Variants in SPRY4 observed in about 807,000 individuals in gnomAD.
The protein encoded by SPRY4 is protein sprouty homolog 4.
A neutral mutation model predicts 17.0 loss-of-function variants in SPRY4; 7 were observed. The observed-to-expected ratio is 0.41, with a 90% CI of 0.23 to 0.77. The LOEUF is 0.77. Ranked by LOEUF, SPRY4 falls within the 30% of genes least tolerant of loss-of-function variation. The probability of loss-of-function intolerance (pLI) is 0.32; values close to 1 mark genes in which losing one functional copy is unlikely to be tolerated. For missense variants in SPRY4, 435 were observed against 419.9 expected (o/e 1.04, Z -0.31); for synonymous variants, 183 against 174.1 (o/e 1.05, Z -0.40).
At position 142,315,019 on chromosome 5, in the gene SPRY4, C is replaced by A. The variant is rs1349121144; in HGVS notation, c.90G>T (p.Arg30=). 6.2e-7 allele frequency: 1 copy of A among 1,613,808 alleles called. No homozygotes were observed. The highest frequency in any genetic ancestry group is 1.1e-5 in the South Asian group (1 of 91,080). ...PLLDSRMSHS[R]LQHPLTILPI... ...GTAGGATGGTGAGTGGGTGCTGGAGCCGGCTGTGGGACATCCGGCTGTCAA... is the reference window on the plus strand; with the variant it reads ...GTAGGATGGTGAGTGGGTGCTGGAGACGGCTGTGGGACATCCGGCTGTCAA... The change falls in exon 2 of 2, where the codon CGG becomes CGT. Residue 30 remains arginine (R), a synonymous_variant. Coordinates refer to ENST00000434127, the MANE Select transcript of SPRY4 (RefSeq NM_001127496.3).
Position 142,314,354 on chromosome 5 carries a change from A to G in SPRY4, c.755T>C (p.Leu252Pro), listed in dbSNP as rs1046862683. 6 of 1,614,062 alleles carry G rather than the reference A, an allele frequency of 3.7e-6. No individual in the cohort carries two copies. Among genetic ancestry groups the G allele is most frequent in the South Asian group, 3.3e-5 (3 of 91,072 alleles). ...SVVLPCLLCY[L>P]PATGCVKLAQ... ...CAGCTTCACGCAGCCGGTGGCAGGC[A>G]GGTAGCAGAGCAGGCAGGGCAGCAC... The change falls in exon 2 of 2, where the codon CTG (leucine) becomes CCG (proline). Residue 252 changes from leucine (L) to proline (P), a missense_variant. By Grantham distance (98) the Leu-to-Pro change is moderately conservative. Transcript: ENST00000434127. The surrounding 1 kb of genome is among the most constrained non-coding windows in gnomAD (Gnocchi z 4.8).
Position 142,310,722 on chromosome 5 carries a change from C to A in SPRY4, c.*3487G>T, listed in dbSNP as rs758054181. ...TGTAACATGAAACCAAGCTGTGGGA[C>A]AGTAAGAAGAGAAAGCAAGGCAAGA... On this transcript the variant is annotated 3_prime_UTR_variant, in exon 2 of 2. Coordinates refer to ENST00000434127, the MANE Select transcript of SPRY4 (RefSeq NM_001127496.3). 1 of 151,940 alleles carries A rather than the reference C, an allele frequency of 6.6e-6. No homozygotes were observed. Among genetic ancestry groups the A allele is most frequent in the Non-Finnish European group, 1.5e-5 (1 of 67,990 alleles). 9.4% of individuals were successfully genotyped at this position (151,940 alleles called of 1,614,324 possible).
At chr5:142,324,757 C>A (rs1018006726) in intron 1 of SPRY4, 87 bp downstream of exon 1, 1 of 152,850 alleles carries the variant, frequency 6.5e-6, no homozygotes, top group East Asian at 1.9e-4. Context: ...CTAGAAATAG[C>A]GCACCATTTG....
At chr5:142,319,663 G>A (rs1561652765) in intron 1 of SPRY4, 2 of 1,540,636 alleles carry the variant, frequency 1.3e-6, no homozygotes, top group East Asian at 2.3e-5. Context: ...AAAATCCCCA[G>A]AACACGCGCA....
intron 1 of SPRY4, chr5:142,317,202 A>G (rs1448419425): frequency 2.0e-6 from 2 of 985,360 alleles, no homozygotes; most frequent in East Asian, 2.3e-4. Context: ...CAGGCTGATG[A>G]CAACGTAGGA....
In SPRY4 at chr5:142,314,171, G is replaced by A. The variant is rs1759037143; in HGVS notation, c.*38C>T. 5.7e-6 allele frequency: 9 copies of A among 1,566,504 alleles called. No homozygotes were observed. The highest frequency in any genetic ancestry group is 1.3e-5 in the African/African-American group (1 of 74,360). ...CTTCTTAGATGTCAGAAGAGAACCAGGTTTCCAGGCAGAGCACTGGGGCTT... is the reference window on the plus strand; with the variant it reads ...CTTCTTAGATGTCAGAAGAGAACCAAGTTTCCAGGCAGAGCACTGGGGCTT... On this transcript the variant is annotated 3_prime_UTR_variant, in exon 2 of 2. Coordinates refer to ENST00000434127, the MANE Select transcript of SPRY4 (RefSeq NM_001127496.3). The surrounding 1 kb of genome is among the most constrained non-coding windows in gnomAD (Gnocchi z 4.8).
In SPRY4 at chr5:142,314,132, G is replaced by A; in HGVS notation, c.*77C>T. The A allele has an allele frequency of 6.8e-7, 1 of 1,472,354 alleles. No individual in the cohort carries two copies. Among genetic ancestry groups the A allele is most frequent in the Non-Finnish European group, 9.1e-7 (1 of 1,101,950 alleles). 91.2% of individuals were successfully genotyped at this position (1,472,354 alleles called of 1,614,324 possible). On this transcript the variant is annotated 3_prime_UTR_variant, in exon 2 of 2. Coordinates refer to ENST00000434127, the MANE Select transcript of SPRY4 (RefSeq NM_001127496.3). The surrounding 1 kb of genome is among the most constrained non-coding windows in gnomAD (Gnocchi z 4.8). ...TCAGCCTCAGGAGGCTAAAACCTCT[G>A]ACCTTGCTGCAGTCTTCTTAGATGT...
Position 142,312,589 on chromosome 5 carries a change from T to C in SPRY4, c.*1620A>G, listed in dbSNP as rs984779825. 2 of 152,156 alleles carry C rather than the reference T, an allele frequency of 1.3e-5. No homozygotes were observed. Among genetic ancestry groups the C allele is most frequent in the African/African-American group, 4.8e-5 (2 of 41,440 alleles). The allele number at this position is 152,156 out of a possible 1,614,324, so 9.4% of individuals were successfully genotyped here. Reference sequence around the variant, plus strand: ...AACAAACTGGAAATGCTACGGACGCTCTGCCTCATGCACTTCCAGTTTCAC... The same window carrying C: ...AACAAACTGGAAATGCTACGGACGCCCTGCCTCATGCACTTCCAGTTTCAC... On this transcript the variant is annotated 3_prime_UTR_variant, in exon 2 of 2. Transcript: ENST00000434127.
intron 1 of SPRY4, 46 bp downstream of exon 1, chr5:142,324,798 C>A (rs928239533): frequency 6.5e-6 from 1 of 152,958 alleles, no homozygotes; most frequent in Non-Finnish European, 1.5e-5. Flanking sequence ...CGCGTCGCGG[C>A]TCAGAGAGGG....
In SPRY4 at chr5:142,313,116, C is replaced by G. The variant is rs1758985713; in HGVS notation, c.*1093G>C. Reference sequence around the variant, plus strand: ...TCTGCCAATGGGAGGTGCTGCCTCTCTTCTTTGCTGTTAAAATCCTCTTGT... The same window carrying G: ...TCTGCCAATGGGAGGTGCTGCCTCTGTTCTTTGCTGTTAAAATCCTCTTGT... On this transcript the variant is annotated 3_prime_UTR_variant, in exon 2 of 2. Transcript: ENST00000434127. 6.6e-6 allele frequency: 1 copy of G among 152,590 alleles called. No homozygotes were observed. The highest frequency in any genetic ancestry group is 1.5e-5 in the Non-Finnish European group (1 of 68,042). The allele number at this position is 152,590 out of a possible 1,614,324, so 9.5% of individuals were successfully genotyped here. A position where few individuals can be genotyped will look rare whatever the true frequency, so the allele number is the denominator to read the frequency against.
At chr5:142,316,927 G>A in intron 1 of SPRY4, 1 of 913,112 alleles carries the variant, frequency 1.1e-6, no homozygotes, top group South Asian at 5.0e-5. Context: ...AAAGGATGCT[G>A]GTATTTCTTT....
rs957648022 is a variant in SPRY4, at chr5:142,314,500, C to T, written c.609G>A (p.Val203=). ...LVNYGTCMCL[V]QGIFYHCTNE... ...TCGTGCAGTGGTAGAAGATGCCCTG[C>T]ACCAAACACATGCACGTGCCATAGT... is the stretch of plus-strand genomic sequence containing the variant. The change falls in exon 2 of 2, where the codon GTG becomes GTA. Residue 203 remains valine (V), a synonymous_variant. Coordinates refer to ENST00000434127, the MANE Select transcript of SPRY4 (RefSeq NM_001127496.3). This position sits in a 1 kb window ranked among gnomAD's most constrained non-coding sequence, Gnocchi z 4.8. 2 of 1,614,220 alleles carry T rather than the reference C, an allele frequency of 1.2e-6. No individual in the cohort carries two copies. Among genetic ancestry groups the T allele is most frequent in the Non-Finnish European group, 1.7e-6 (2 of 1,180,038 alleles).
chr5:142,319,180 A>G (rs1470605826), intron 1 of SPRY4, among the ~76,000 whole-genome samples: 1 of 152,164 alleles, frequency 6.6e-6, no homozygotes, highest in Non-Finnish European at 1.5e-5. Context: ...TTTCACAACC[A>G]TGGACTCCTC....
At chr5:142,320,039 T>TA (rs1032830827) in intron 1 of SPRY4, among the ~76,000 whole-genome samples, 1 of 152,232 alleles carries the variant, frequency 6.6e-6, no homozygotes, top group African/African-American at 2.4e-5. Flanking sequence ...GAAGGCTGTT[T>TA]AACCCTTTAA....
Position 142,324,994 on chromosome 5 carries a change from C to T in SPRY4, c.-198G>A, listed in dbSNP as rs893590719. Reference sequence around the variant, plus strand: ...CAGCGCCAGCTCCGCGCTGTCAGCTCAGCTCGCTACCTCCGCGGCGATGTT... The same window carrying T: ...CAGCGCCAGCTCCGCGCTGTCAGCTTAGCTCGCTACCTCCGCGGCGATGTT... On this transcript the variant is annotated 5_prime_UTR_variant, in exon 1 of 2. Coordinates refer to ENST00000434127, the MANE Select transcript of SPRY4 (RefSeq NM_001127496.3). 5.2e-5 allele frequency: 8 copies of T among 152,700 alleles called. No homozygotes were observed. The highest frequency in any genetic ancestry group is 1.4e-4 in the African/African-American group (6 of 41,470). The allele number at this position is 152,700 out of a possible 1,614,324, so 9.5% of individuals were successfully genotyped here.
rs372707899 is a variant in SPRY4, at chr5:142,319,741, T to C, written c.-47-4586A>G. On this transcript the variant is annotated intron_variant, in intron 1 of 1. Coordinates refer to ENST00000434127, the MANE Select transcript of SPRY4 (RefSeq NM_001127496.3). ...GCCAGTCTGACACTCACTGCATTTG[T>C]ACCTGTGGGGAGGGGGCTGAGCATC... is the stretch of plus-strand genomic sequence containing the variant. 5.6e-6 allele frequency: 9 copies of C among 1,612,340 alleles called. No homozygotes were observed. In the African/African-American group the frequency reaches 1.2e-4, roughly 22 times the overall value.
chr5:142,318,167 C>CA (rs367761988), intron 1 of SPRY4: 17,981 of 631,028 alleles, frequency 0.028, 20 homozygotes, highest in South Asian at 0.07. Context: ...AATGATGTCT[C>CA]AAAAAAAAAA....
In SPRY4 at chr5:142,313,979, C is replaced by A; in HGVS notation, c.*230G>T. The A allele has an allele frequency of 1.8e-6, 1 of 563,678 alleles. No homozygotes were observed. Among genetic ancestry groups the A allele is most frequent in the Non-Finnish European group, 3.1e-6 (1 of 319,634 alleles). The allele number at this position is 563,678 out of a possible 1,614,324, so 34.9% of individuals were successfully genotyped here. A position where few individuals can be genotyped will look rare whatever the true frequency, so the allele number is the denominator to read the frequency against. ...CCCTGCCCCTGCATTGTCTGTTTGA[C>A]ACAAAGTTTCAGGACCCTGAAAAAA... On this transcript the variant is annotated 3_prime_UTR_variant, in exon 2 of 2. Coordinates refer to ENST00000434127, the MANE Select transcript of SPRY4 (RefSeq NM_001127496.3).
Position 142,322,483 on chromosome 5 carries a change from A to AAT in SPRY4, c.-48+2359_-48+2360dup, listed in dbSNP as rs751790052. 4.7e-3 allele frequency among the ~76,000 whole-genome samples: 556 copies of AAT among 117,522 alleles called. 7 individuals carry two copies. The highest frequency in any genetic ancestry group is 0.017 in the Middle Eastern group (4 of 240). The allele number at this position is 117,522 out of a possible 152,430, so 77.1% of individuals were successfully genotyped here. ...AAGACTCGTCTCAAGAAAAAAAAAA[A>AAT]ATATATATATATATATATAAATGAA... On this transcript the variant is annotated intron_variant, in intron 1 of 1. Transcript: ENST00000434127.
Sources: allele counts gnomAD v4.1 joint callset (sites outside exome capture counted in the v4.1 genomes callset), GRCh38; gene constraint gnomAD v4.1.1; non-coding constraint Gnocchi (gnomAD v3.1); transcripts MANE v1.5; gene names NCBI Gene and HGNC (gene_info 2026-07-23, HGNC 2026-07-21).